Variants in CPA1 observed in about 807,000 individuals in gnomAD.
The protein encoded by CPA1 is carboxypeptidase A1.
CPA1 carries 42 observed loss-of-function variants against 48.7 expected under a neutral mutation model. That is an observed-to-expected ratio of 0.86 (90% confidence interval 0.67 to 1.11). The LOEUF (loss-of-function observed/expected upper bound fraction) is 1.11. CPA1 is among the 50% of genes most tolerant of loss of function. The pLI, the probability that CPA1 is intolerant of heterozygous loss-of-function variation, is 0.00. For missense variants in CPA1, 477 were observed against 544.7 expected (o/e 0.88, Z 1.24); for synonymous variants, 203 against 217.9 (o/e 0.93, Z 0.60).
chr7:130,381,112 G>C lies in CPA1; in HGVS notation c.80G>C (p.Arg27Pro), dbSNP rs547564304. Residue 27 changes from arginine (R) to proline (P), a missense_variant, in exon 2 of 10, where the codon CGA becomes CCA. Arg to Pro is a moderately radical substitution (Grantham distance 103). Coordinates refer to ENST00000011292, the MANE Select transcript of CPA1 (RefSeq NM_001868.4). ...ACTCTGCCCAGGCATCAGGTGCTCCGAATCTCTGTAGCCGATGAGGCCCAG... is the reference window on the plus strand; with the variant it reads ...ACTCTGCCCAGGCATCAGGTGCTCCCAATCTCTGTAGCCGATGAGGCCCAG... Reference protein sequence around the residue: ...KEDFVGHQVLRISVADEAQVQ... With the variant: ...KEDFVGHQVLPISVADEAQVQ... 2 of 1,613,412 alleles carry C rather than the reference G, an allele frequency of 1.2e-6. No homozygotes were observed. Among genetic ancestry groups the C allele is most frequent in the African/African-American group, 1.3e-5 (1 of 74,998 alleles).
In CPA1 at chr7:130,383,747, C is replaced by T. The variant is rs1554411592; in HGVS notation, c.649C>T (p.Leu217=). ...CATTCTCGACACCTTGGACATCTTCCTGGAGATCGTCACCAACCCTGATGG... is the reference window on the plus strand; with the variant it reads ...CATTCTCGACACCTTGGACATCTTCTTGGAGATCGTCACCAACCCTGATGG... ...TAILDTLDIF[L]EIVTNPDGFA... Residue 217 remains leucine (L), a synonymous_variant, in exon 6 of 10, where the codon CTG becomes TTG. Coordinates refer to ENST00000011292, the MANE Select transcript of CPA1 (RefSeq NM_001868.4). 6.8e-6 allele frequency: 11 copies of T among 1,614,204 alleles called. No individual in the cohort carries two copies. The highest frequency in any genetic ancestry group is 6.7e-5 in the Admixed American group (4 of 60,032).
At position 130,383,728 on chromosome 7, in the gene CPA1, C is replaced by T. The variant is rs377138792; in HGVS notation, c.630C>T (p.Leu210=). The part of the protein sequence containing the change: ...YGQDAAFTAI[L]DTLDIFLEIV... ...AGGATGCAGCTTTCACCGCCATTCT[C>T]GACACCTTGGACATCTTCCTGGAGA... The change falls in exon 6 of 10, where the codon CTC becomes CTT. Residue 210 remains leucine, a synonymous_variant. Transcript: ENST00000011292. The T allele has an allele frequency of 7.1e-5, 114 of 1,614,044 alleles. 1 individual carries two copies. Among genetic ancestry groups the T allele is most frequent in the South Asian group, 4.4e-5 (4 of 91,082 alleles).
At chr7:130,381,241 C>T in intron 2 of CPA1, 62 bp downstream of exon 2, 1 of 1,229,834 alleles carries the variant, frequency 8.1e-7, no homozygotes, top group African/African-American at 1.5e-5. Context: ...CACCCCAGGT[C>T]CCCAGCGGCC....
intron 9 of CPA1, among the ~76,000 whole-genome samples, chr7:130,386,554 C>A (rs1409256306): frequency 6.6e-6 from 1 of 151,982 alleles, no homozygotes; most frequent in Non-Finnish European, 1.5e-5. Flanking sequence ...ACAAAAACCA[C>A]TTCTCCTCCA....
In CPA1 at chr7:130,385,840, A is replaced by T. The variant is rs1389615597; in HGVS notation, c.989A>T (p.Asp330Val). Residue 330 changes from aspartate to valine, a missense_variant and splice_region_variant, in exon 9 of 10, where the codon GAT becomes GTT. Coordinates refer to ENST00000011292, the MANE Select transcript of CPA1 (RefSeq NM_001868.4). ...GGCTTTGCTTGGTGTTTTGTCCAGGATCAGCTTTCCAAGGCTGCTGTGACA... is the reference window on the plus strand; with the variant it reads ...GGCTTTGCTTGGTGTTTTGTCCAGGTTCAGCTTTCCAAGGCTGCTGTGACA... ...TEPVPDQDELDQLSKAAVTAL... is the reference protein window; with the variant it reads ...TEPVPDQDELVQLSKAAVTAL... 6.2e-7 allele frequency: 1 copy of T among 1,613,654 alleles called. No homozygotes were observed. Among genetic ancestry groups the T allele is most frequent in the Admixed American group, 1.7e-5 (1 of 59,976 alleles).
chr7:130,381,164 C>T lies in CPA1; in HGVS notation c.132C>T (p.Asp44=). 6.2e-7 allele frequency: 1 copy of T among 1,613,016 alleles called. No individual in the cohort carries two copies. The highest frequency in any genetic ancestry group is 8.5e-7 in the Non-Finnish European group (1 of 1,179,526). The change falls in exon 2 of 10, where the codon GAC becomes GAT. Residue 44 remains aspartate, a synonymous_variant. Coordinates refer to ENST00000011292, the MANE Select transcript of CPA1 (RefSeq NM_001868.4). ...TACAGAAGGTGAAGGAGCTGGAGGACCTGGAGCACCTGCAGGTCAGAAGAG... is the reference window on the plus strand; with the variant it reads ...TACAGAAGGTGAAGGAGCTGGAGGATCTGGAGCACCTGCAGGTCAGAAGAG... The part of the protein sequence containing the change: ...AQVQKVKELE[D]LEHLQLDFWR...
chr7:130,385,337 G>T lies in CPA1; in HGVS notation c.979G>T (p.Asp327Tyr). Residue 327 changes from aspartate to tyrosine, a missense_variant, in exon 8 of 10, where the codon GAT becomes TAT. Asp to Tyr is a radical substitution (Grantham distance 160). Coordinates refer to ENST00000011292, the MANE Select transcript of CPA1 (RefSeq NM_001868.4). ...CAAAACAGAACCAGTCCCTGACCAGGATGAGCTGGTAGGCACTGACCTCGG... is the reference window on the plus strand; with the variant it reads ...CAAAACAGAACCAGTCCCTGACCAGTATGAGCTGGTAGGCACTGACCTCGG... ...GYKTEPVPDQ[D>Y]ELDQLSKAAV... 4 of 1,614,118 alleles carry T rather than the reference G, an allele frequency of 2.5e-6. No individual in the cohort carries two copies. The highest frequency in any genetic ancestry group is 3.4e-6 in the Non-Finnish European group (4 of 1,180,002).
intron 6 of CPA1, 133 bp downstream of exon 6, chr7:130,383,927 G>A: frequency 1.4e-6 from 1 of 723,410 alleles, no homozygotes. Flanking sequence ...CTAGCCGAGG[G>A]TGTCTCAACA....
At chr7:130,384,169 A>G (rs741486) in intron 6 of CPA1, 146,640 of 412,302 alleles carry the variant, frequency 0.36, 27,367 homozygotes, top group African/African-American at 0.47. Context: ...TCCTACTTCT[A>G]TTTTTACGGC....
intron 6 of CPA1, chr7:130,384,276 C>A (rs741487): frequency 1.1e-5 from 6 of 548,196 alleles, no homozygotes; most frequent in Non-Finnish European, 1.6e-5. Flanking sequence ...AAATGCCATC[C>A]TATGGCCTTC....
chr7:130,381,348 T>C (rs1164363577), intron 2 of CPA1, among the ~76,000 whole-genome samples, 169 bp downstream of exon 2: 1 of 152,046 alleles, frequency 6.6e-6, no homozygotes, highest in Non-Finnish European at 1.5e-5. Flanking sequence ...TTGCTGCCCT[T>C]GAGCACCTGG....
intron 7 of CPA1, 84 bp downstream of exon 7, chr7:130,384,710 T>C: frequency 6.7e-6 from 8 of 1,186,128 alleles, no homozygotes; most frequent in Non-Finnish European, 1.0e-5. Flanking sequence ...GCCTCTCTCC[T>C]GCCCCTGCAG....
chr7:130,381,069 T>C (rs1554411089), intron 1 of CPA1, 29 bp from the exon 2 acceptor site: 3 of 1,593,192 alleles, frequency 1.9e-6, no homozygotes, highest in South Asian at 1.1e-5. Context: ...GCAGCTTGGG[T>C]GCTCACTCCC....
intron 4 of CPA1, among the ~76,000 whole-genome samples, chr7:130,382,486 C>A (rs1796419149): frequency 6.6e-6 from 1 of 152,168 alleles, no homozygotes; most frequent in African/African-American, 2.4e-5. Context: ...TTTCTTGAGA[C>A]AGAGTCTCGC....
chr7:130,380,881 G>A lies in CPA1; in HGVS notation c.66-217G>A, dbSNP rs543060184. The A allele has an allele frequency of 4.0e-4, 238 of 600,020 alleles. 1 individual carries two copies. In the African/African-American group the frequency reaches 4.0e-3, roughly 10 times the overall value. The allele number at this position is 600,020 out of a possible 1,614,324, so 37.2% of individuals were successfully genotyped here. Reference sequence around the variant, plus strand: ...AATAGTCCAAACTGGGATTGAGATAGTAACAGCGTCTAGAAGTTTCTAAAG... The same window carrying A: ...AATAGTCCAAACTGGGATTGAGATAATAACAGCGTCTAGAAGTTTCTAAAG... On this transcript the variant is annotated intron_variant, in intron 1 of 9. Coordinates refer to ENST00000011292, the MANE Select transcript of CPA1 (RefSeq NM_001868.4).
chr7:130,381,759 GTGCAGTCGC>G lies in CPA1; in HGVS notation c.281_289del (p.Gln94_Leu96del). 1 of 1,614,186 alleles carries G rather than the reference GTGCAGTCGC, an allele frequency of 6.2e-7. No individual in the cohort carries two copies. Among genetic ancestry groups the G allele is most frequent in the Non-Finnish European group, 8.5e-7 (1 of 1,180,026 alleles). ...CAGCTATGAGACCATGATCGAGGACGTGCAGTCGCTGCTGGACGAGGAGCAGGAGCAGAT... is the reference window on the plus strand; with the variant it reads ...CAGCTATGAGACCATGATCGAGGACGTGCTGGACGAGGAGCAGGAGCAGAT... On this transcript the variant is annotated inframe_deletion, in exon 3 of 10. Transcript: ENST00000011292.
intron 4 of CPA1, among the ~76,000 whole-genome samples, chr7:130,383,071 A>C (rs1445087060): frequency 6.6e-6 from 1 of 152,132 alleles, no homozygotes; most frequent in African/African-American, 2.4e-5. Flanking sequence ...GTGAGCCACC[A>C]CGCCCAACCC....
intron 8 of CPA1, 107 bp from the exon 9 acceptor site, chr7:130,385,732 C>T (rs974447799): frequency 9.6e-6 from 8 of 829,748 alleles, no homozygotes; most frequent in Non-Finnish European, 1.6e-5. Flanking sequence ...AGGCCCACTT[C>T]TGCAGGGTGC....
chr7:130,384,408 G>A, intron 6 of CPA1, 128 bp from the exon 7 acceptor site: 1 of 742,754 alleles, frequency 1.3e-6, no homozygotes, highest in East Asian at 2.5e-5. Flanking sequence ...TGTGTTGAGG[G>A]CTTCCACCTC....
Sources: gnomAD v4.1 joint callset for allele counts (sites outside exome capture counted in the v4.1 genomes callset) on GRCh38, gnomAD v4.1.1 for gene constraint, MANE v1.5 for transcripts, NCBI Gene and HGNC (gene_info 2026-07-23, HGNC 2026-07-21) for gene names.